Variants in DMD observed in about 807,000 individuals in gnomAD.
DMD encodes the protein dystrophin.
In DMD, 63 loss-of-function variants were observed where a neutral mutation model predicts 330.1. That is an observed-to-expected ratio of 0.19 (90% CI 0.16 to 0.24). The LOEUF (loss-of-function observed/expected upper bound fraction) is 0.24. Among genes scored for constraint, DMD ranks in the 10% least tolerant of loss-of-function variants. The pLI is 1.00. For synonymous variants in DMD, 1,223 were observed against 959.8 expected, an observed-to-expected ratio of 1.27 and a Z score of -5.07; for missense variants, 3,344 against 2,684.1, an observed-to-expected ratio of 1.25 and a Z score of -5.43.
chrX:33,130,285 G>A (rs1422160053), intron 1 of DMD, among the ~76,000 whole-genome samples: 2 of 111,733 alleles, frequency 1.8e-5, no homozygotes, highest in Non-Finnish European at 3.8e-5. Context: ...GCACAACAGT[G>A]CAAGATTCCA....
At position 31,507,335 on chromosome X, in the gene DMD, A is replaced by G. The variant is rs768376835; in HGVS notation, c.8336T>C (p.Leu2779Ser). 1 of 1,210,019 alleles carries G rather than the reference A, an allele frequency of 8.3e-7. No individual in the cohort carries two copies. Among genetic ancestry groups the G allele is most frequent in the Non-Finnish European group, 1.1e-6 (1 of 895,230 alleles). Residue 2779 changes from leucine to serine, a missense_variant, in exon 56 of 79, where the codon TTG (leucine) becomes TCG (serine). Transcript: ENST00000357033. ...ACTCCACTTGAAGTTCATGTTATCC[A>G]AACGTCTTTGTAACAGGACTGCATC... ...SDDAVLLQRR[L>S]DNMNFKWSEL...
rs758117786 is a variant in DMD, at chrX:32,310,059, G to T, written c.6117+23C>A. The T allele has an allele frequency of 5.6e-5, 66 of 1,183,557 alleles. No individual in the cohort carries two copies. The South Asian group carries it at 1.0e-3, about 19-fold the overall frequency. On this transcript the variant is annotated intron_variant, in intron 42 of 78. Coordinates refer to ENST00000357033, the MANE Select transcript of DMD (RefSeq NM_004006.3). ...TCAGTATGATCACCTTGTAAAATAC[G>T]AATGAAAGTGCTTTGGTTTTACCTT...
chrX:32,813,133 T>C (rs2077491244), intron 6 of DMD, among the ~76,000 whole-genome samples: 1 of 112,006 alleles, frequency 8.9e-6, no homozygotes, highest in African/African-American at 3.2e-5. Context: ...TATTTGAGCT[T>C]TGGCATTCTC....
chrX:31,683,805 A>G (rs780862575), intron 52 of DMD, among the ~76,000 whole-genome samples: 59 of 112,675 alleles, frequency 5.2e-4, no homozygotes, highest in African/African-American at 1.9e-3. Flanking sequence ...TTCAAATCTC[A>G]TAGATGTCAC....
At chrX:32,857,409 T>C (rs1374717329) in intron 2 of DMD, among the ~76,000 whole-genome samples, 2 of 112,205 alleles carry the variant, frequency 1.8e-5, no homozygotes, top group Admixed American at 9.5e-5. Flanking sequence ...TTGAGTGTAA[T>C]AATTTGTTTT....
intron 55 of DMD, among the ~76,000 whole-genome samples, chrX:31,515,587 C>T (rs2039570252): frequency 9.0e-6 from 1 of 111,676 alleles, no homozygotes; most frequent in African/African-American, 3.3e-5. Context: ...AGGTCAGGAA[C>T]ATACAATTCA....
chrX:33,019,045 T>C lies in DMD; in HGVS notation c.93+1094A>G, dbSNP rs148928547. Among the ~76,000 whole-genome samples, 754 of 111,975 alleles carry C rather than the reference T, an allele frequency of 6.7e-3. 4 individuals carry two copies. Among genetic ancestry groups the C allele is most frequent in the African/African-American group, 0.023 (723 of 30,931 alleles). ...AATTAAAGAGTACATGGCAACATTC[T>C]ACTACCAAATACCACAAAGAATAGA... On this transcript the variant is annotated intron_variant, in intron 2 of 78. Transcript: ENST00000357033.
intron 30 of DMD, among the ~76,000 whole-genome samples, chrX:32,406,314 C>G (rs1360989540): frequency 1.8e-5 from 2 of 111,504 alleles, no homozygotes; most frequent in Non-Finnish European, 3.8e-5. Context: ...TGAGAGAGGG[C>G]ACCCCTGTCT....
intron 2 of DMD, among the ~76,000 whole-genome samples, chrX:32,857,676 T>A (rs2081694983): frequency 8.9e-6 from 1 of 112,011 alleles, no homozygotes; most frequent in Non-Finnish European, 1.9e-5. Context: ...ATGTGCGTGA[T>A]AAACTGCTGT....
intron 21 of DMD, among the ~76,000 whole-genome samples, chrX:32,483,062 G>T (rs2042053749): frequency 9.8e-6 from 1 of 102,304 alleles, no homozygotes; most frequent in South Asian, 4.5e-4. Context: ...CGGATATAAT[G>T]CATACACATG....
At chrX:32,385,647 C>T (rs1245454651) in intron 33 of DMD, among the ~76,000 whole-genome samples, 1 of 111,246 alleles carries the variant, frequency 9.0e-6, no homozygotes, top group Non-Finnish European at 1.9e-5. Flanking sequence ...TTGAGTTGAG[C>T]GAAGTGAGAT....
At chrX:32,708,410 T>A (rs1304114794) in intron 7 of DMD, among the ~76,000 whole-genome samples, 1 of 110,936 alleles carries the variant, frequency 9.0e-6, no homozygotes, top group African/African-American at 3.3e-5. Context: ...GGGACTGTGG[T>A]AAAATTCACT....
intron 7 of DMD, among the ~76,000 whole-genome samples, chrX:32,765,589 T>C (rs940150181): frequency 3.6e-5 from 4 of 111,988 alleles, no homozygotes; most frequent in Non-Finnish European, 7.5e-5. Flanking sequence ...TAGGAGTTCT[T>C]GGCACAGTCT....
chrX:33,076,647 T>C (rs778810479), intron 1 of DMD, among the ~76,000 whole-genome samples: 3 of 112,158 alleles, frequency 2.7e-5, no homozygotes, highest in Admixed American at 9.5e-5. Flanking sequence ...AGCACTTTAA[T>C]AAATACTATT....
chrX:32,320,300 A>G (rs1421418752), intron 41 of DMD, among the ~76,000 whole-genome samples: 1 of 111,863 alleles, frequency 8.9e-6, no homozygotes, highest in East Asian at 2.8e-4. Context: ...ATGTTTTTCA[A>G]GGAAGTATTC....
chrX:31,229,358 T>C (rs1799929099), intron 63 of DMD, among the ~76,000 whole-genome samples: 1 of 112,155 alleles, frequency 8.9e-6, no homozygotes, highest in Non-Finnish European at 1.9e-5. Context: ...TGAACTGAGG[T>C]CTAGAATTTA....
intron 67 of DMD, among the ~76,000 whole-genome samples, chrX:31,199,982 C>T (rs1248573503): frequency 2.7e-5 from 3 of 111,726 alleles, no homozygotes; most frequent in Admixed American, 9.5e-5. Context: ...GCAAGGTGAC[C>T]GCCAGTGCAC....
intron 54 of DMD, among the ~76,000 whole-genome samples, chrX:31,648,445 T>C (rs762594739): frequency 9.3e-5 from 10 of 107,088 alleles, no homozygotes; most frequent in Non-Finnish European, 1.3e-4. Context: ...GCTGCAGACA[T>C]AGGGCTTTTG....
chrX:32,673,059 G>A (rs1351486678), intron 9 of DMD, among the ~76,000 whole-genome samples: 2 of 111,508 alleles, frequency 1.8e-5, no homozygotes, highest in African/African-American at 6.5e-5. Context: ...GTGTGTGCAT[G>A]TGCGTGTGTG....
Sources: gnomAD v4.1 joint callset for allele counts (sites outside exome capture counted in the v4.1 genomes callset) on GRCh38, gnomAD v4.1.1 for gene constraint, MANE v1.5 for transcripts, NCBI Gene and HGNC (gene_info 2026-07-23, HGNC 2026-07-21) for gene names.